MEX3D: variants seen among roughly 807,000 people sequenced by gnomAD.
MEX3D encodes the protein mex-3 RNA binding family member D.
A neutral mutation model predicts 6.3 loss-of-function variants in MEX3D; 4 were observed. The ratio of observed to expected loss-of-function variants is 0.64; its 90% CI spans 0.31 to 1.46. MEX3D has a LOEUF of 1.46. Among genes scored for constraint, MEX3D ranks in the 40% most tolerant of loss-of-function variants. The pLI is 0.07. For synonymous variants in MEX3D, 626 were observed against 494.1 expected, an observed-to-expected ratio of 1.27 and a Z score of -3.54; for missense variants, 1,038 against 994.4, an observed-to-expected ratio of 1.04 and a Z score of -0.59.
Position 1,568,118 on chromosome 19 carries a change from C to A in MEX3D, c.-60G>T. The A allele has an allele frequency of 1.0e-6, 1 of 978,192 alleles. No individual in the cohort carries two copies. The highest frequency in any genetic ancestry group is 1.2e-6 in the Non-Finnish European group (1 of 827,216). 60.6% of individuals were successfully genotyped at this position (978,192 alleles called of 1,614,324 possible). On this transcript the variant is annotated 5_prime_UTR_variant, in exon 1 of 2. Transcript: ENST00000402693. ...GCCCGCGCCGCCGCCGCCGCCCGCG[C>A]CGCCCTCCGCCTCTGCGAGCTGGGC...
chr19:1,567,628 G>A lies in MEX3D; in HGVS notation c.431C>T (p.Pro144Leu). 7.8e-7 allele frequency: 1 copy of A among 1,288,746 alleles called. No individual in the cohort carries two copies. Among genetic ancestry groups the A allele is most frequent in the South Asian group, 2.5e-5 (1 of 40,162 alleles). 79.8% of individuals were successfully genotyped at this position (1,288,746 alleles called of 1,614,324 possible). A position where few individuals can be genotyped will look rare whatever the true frequency, so the allele number is the denominator to read the frequency against. Residue 144 changes from proline to leucine, a missense_variant, in exon 1 of 2, where the codon CCC becomes CTC. Coordinates refer to ENST00000402693, the MANE Select transcript of MEX3D (RefSeq NM_203304.4). The surrounding 1 kb of genome is among the most constrained non-coding windows in gnomAD (Gnocchi z 6.5). ...PPPPPPRPSP[P>L]DVFAGFAPHP... Reference sequence around the variant, plus strand: ...GGGCGCGAAGCCCGCGAACACGTCGGGGGGCGACGGCCGGGGCGGCGGCGG... The same window carrying A: ...GGGCGCGAAGCCCGCGAACACGTCGAGGGGCGACGGCCGGGGCGGCGGCGG...
Position 1,556,227 on chromosome 19 carries a change from C to G in MEX3D, c.1292G>C (p.Gly431Ala). ...GGGACCCTCCGCGCCGAAGGCGAAG[C>G]CCCCGTTGCCGGAGCCGCTGTAGGG... is the stretch of plus-strand genomic sequence containing the variant. Reference protein sequence around the residue: ...ASPYSGSGNGGFAFGAEGPGA... With the variant: ...ASPYSGSGNGAFAFGAEGPGA... Residue 431 changes from glycine (G) to alanine (A), a missense_variant, in exon 2 of 2, where the codon GGC becomes GCC. Physicochemically the swap from Gly to Ala is moderately conservative, Grantham distance 60. Coordinates refer to ENST00000402693, the MANE Select transcript of MEX3D (RefSeq NM_203304.4). The surrounding 1 kb of genome is among the most constrained non-coding windows in gnomAD (Gnocchi z 7.5). 1.4e-6 allele frequency: 2 copies of G among 1,405,438 alleles called. No individual in the cohort carries two copies. The highest frequency in any genetic ancestry group is 1.8e-6 in the Non-Finnish European group (2 of 1,081,164). 87.1% of individuals were successfully genotyped at this position (1,405,438 alleles called of 1,614,324 possible). A position where few individuals can be genotyped will look rare whatever the true frequency, so the allele number is the denominator to read the frequency against.
In MEX3D at chr19:1,567,555, G is replaced by C; in HGVS notation, c.504C>G (p.Ser168Arg). ...GPPTLLADQM[S>R]VIGSRKKSVN... ...CGCTTTTCTTGCGGCTGCCGATCACGCTCATCTGGTCGGCCAGCAGCGTCG... is the reference window on the plus strand; with the variant it reads ...CGCTTTTCTTGCGGCTGCCGATCACCCTCATCTGGTCGGCCAGCAGCGTCG... Residue 168 changes from serine to arginine, a missense_variant, in exon 1 of 2, where the codon AGC (serine) becomes AGG (arginine). Around this residue, in one of 5 missense-constraint regions of MEX3D, gnomAD observed 75 missense variants for 125.1 expected, o/e 0.60. Transcript: ENST00000402693. This position sits in a 1 kb window ranked among gnomAD's most constrained non-coding sequence, Gnocchi z 6.5. 1 of 1,545,052 alleles carries C rather than the reference G, an allele frequency of 6.5e-7. No homozygotes were observed. Among genetic ancestry groups the C allele is most frequent in the Non-Finnish European group, 8.7e-7 (1 of 1,148,806 alleles).
chr19:1,555,893 G>A lies in MEX3D; in HGVS notation c.1626C>T (p.Ser542=), dbSNP rs543107043. The A allele has an allele frequency of 2.1e-3, 2,662 of 1,254,980 alleles. 54 individuals carry two copies. The African/African-American group carries it at 0.038, about 18-fold the overall frequency. The allele number at this position is 1,254,980 out of a possible 1,614,324, so 77.7% of individuals were successfully genotyped here. Residue 542 remains serine (S), a synonymous_variant, in exon 2 of 2, where the codon TCC becomes TCT. Coordinates refer to ENST00000402693, the MANE Select transcript of MEX3D (RefSeq NM_203304.4). The part of the protein sequence containing the change: ...RGAPDPVGAL[S]WRPPQGPVSF... ...ATACGGGGCCCTGCGGGGGTCGCCA[G>A]GACAGCGCGCCCACCGGGTCCGGGG...
At chr19:1,558,476 C>T (rs537919831) in intron 1 of MEX3D, among the ~76,000 whole-genome samples, 11 of 152,002 alleles carry the variant, frequency 7.2e-5, no homozygotes, top group African/African-American at 2.7e-4. Flanking sequence ...CTGGCCATAG[C>T]CCCCGGAAAC....
In MEX3D at chr19:1,555,721, A is replaced by C; in HGVS notation, c.1798T>G (p.Cys600Gly). 1 of 1,534,084 alleles carries C rather than the reference A, an allele frequency of 6.5e-7. No homozygotes were observed. Among genetic ancestry groups the C allele is most frequent in the Non-Finnish European group, 8.7e-7 (1 of 1,146,952 alleles). The change falls in exon 2 of 2, where the codon TGC becomes GGC. Residue 600 changes from cysteine (C) to glycine (G), a missense_variant. By Grantham distance (159) the Cys-to-Gly change is radical. Coordinates refer to ENST00000402693, the MANE Select transcript of MEX3D (RefSeq NM_203304.4). ...ACCTCGCCCTCGGCGCACACCACGC[A>C]CTCTCGCGCCAGGGCCGGGGCCGAG... ...ASSAPALARE[C>G]VVCAEGEVMA...
Position 1,555,894 on chromosome 19 carries a change from G to C in MEX3D, c.1625C>G (p.Ser542Cys). Residue 542 changes from serine (S) to cysteine (C), a missense_variant, in exon 2 of 2, where the codon TCC becomes TGC. Around this residue, in one of 5 missense-constraint regions of MEX3D, gnomAD observed 581 missense variants for 516.2 expected, o/e 1.13. Coordinates refer to ENST00000402693, the MANE Select transcript of MEX3D (RefSeq NM_203304.4). ...RGAPDPVGAL[S>C]WRPPQGPVSF... ...TACGGGGCCCTGCGGGGGTCGCCAG[G>C]ACAGCGCGCCCACCGGGTCCGGGGC... 5 of 1,251,644 alleles carry C rather than the reference G, an allele frequency of 4.0e-6. No individual in the cohort carries two copies. The highest frequency in any genetic ancestry group is 5.0e-6 in the Non-Finnish European group (5 of 998,154). 77.5% of individuals were successfully genotyped at this position (1,251,644 alleles called of 1,614,324 possible).
Position 1,555,527 on chromosome 19 carries a change from C to T in MEX3D, c.*36G>A. 6.5e-7 allele frequency: 1 copy of T among 1,535,208 alleles called. No individual in the cohort carries two copies. Among genetic ancestry groups the T allele is most frequent in the Non-Finnish European group, 8.8e-7 (1 of 1,141,108 alleles). ...CCGTCTCCCGCGCCCACCCCTGGCC[C>T]CCGCAGATGGCCCCGGCCACGTGGT... is the stretch of plus-strand genomic sequence containing the variant. On this transcript the variant is annotated 3_prime_UTR_variant, in exon 2 of 2. Coordinates refer to ENST00000402693, the MANE Select transcript of MEX3D (RefSeq NM_203304.4).
chr19:1,558,066 AAAG>A (rs1459765001), intron 1 of MEX3D, among the ~76,000 whole-genome samples: 3 of 149,654 alleles, frequency 2.0e-5, no homozygotes, highest in South Asian at 2.1e-4. Context: ...AAAAAAAAAA[AAAG>A]AGCCACAGTG....
chr19:1,556,902 C>A lies in MEX3D; in HGVS notation c.617G>T (p.Arg206Leu). 1 of 1,608,648 alleles carries A rather than the reference C, an allele frequency of 6.2e-7. No individual in the cohort carries two copies. Among genetic ancestry groups the A allele is most frequent in the Non-Finnish European group, 8.5e-7 (1 of 1,178,568 alleles). The change falls in exon 2 of 2, where the codon CGG becomes CTG. Residue 206 changes from arginine to leucine, a missense_variant. Around this residue, in one of 5 missense-constraint regions of MEX3D, gnomAD observed 75 missense variants for 125.1 expected, o/e 0.60. Coordinates refer to ENST00000402693, the MANE Select transcript of MEX3D (RefSeq NM_203304.4). The surrounding 1 kb of genome is among the most constrained non-coding windows in gnomAD (Gnocchi z 7.5). ...CTTGATGTAGGTGTTTGTCTTGGCCCGCAGGGCCTTGATCTTGCAGCCTGT... is the reference window on the plus strand; with the variant it reads ...CTTGATGTAGGTGTTTGTCTTGGCCAGCAGGGCCTTGATCTTGCAGCCTGT... ...GRQGCKIKALRAKTNTYIKTP... is the reference protein window; with the variant it reads ...GRQGCKIKALLAKTNTYIKTP...
Position 1,556,205 on chromosome 19 carries a change from A to T in MEX3D, c.1314T>A (p.Gly438=), listed in dbSNP as rs779591385. 1.2e-5 allele frequency: 18 copies of T among 1,441,418 alleles called. No individual in the cohort carries two copies. Among genetic ancestry groups the T allele is most frequent in the African/African-American group, 1.5e-5 (1 of 66,312 alleles). 89.3% of individuals were successfully genotyped at this position (1,441,418 alleles called of 1,614,324 possible). Residue 438 remains glycine (G), a synonymous_variant, in exon 2 of 2, where the codon GGT becomes GGA. Coordinates refer to ENST00000402693, the MANE Select transcript of MEX3D (RefSeq NM_203304.4). This position sits in a 1 kb window ranked among gnomAD's most constrained non-coding sequence, Gnocchi z 7.5. ...CGGCCGTCCCCACCGGGGCACCGGG[A>T]CCCTCCGCGCCGAAGGCGAAGCCCC... ...GNGGFAFGAE[G]PGAPVGTAAP...
rs745626040 is a variant in MEX3D at position 1,555,350 on chromosome 19, G to A, written c.*213C>T. 1 of 1,602,072 alleles carries A rather than the reference G, an allele frequency of 6.2e-7. No homozygotes were observed. The highest frequency in any genetic ancestry group is 1.1e-5 in the South Asian group (1 of 90,152). On this transcript the variant is annotated 3_prime_UTR_variant, in exon 2 of 2. Coordinates refer to ENST00000402693, the MANE Select transcript of MEX3D (RefSeq NM_203304.4). Reference sequence around the variant, plus strand: ...GACCACTCAATACTGTCGTTGAAGGGCTGAGGCGCCGCCGGGCTGCGGGGT... The same window carrying A: ...GACCACTCAATACTGTCGTTGAAGGACTGAGGCGCCGCCGGGCTGCGGGGT...
At chr19:1,560,098 G>A (rs560886949) in intron 1 of MEX3D, among the ~76,000 whole-genome samples, 3 of 152,294 alleles carry the variant, frequency 2.0e-5, no homozygotes, top group East Asian at 3.9e-4. Flanking sequence ...GGATTCCCTC[G>A]GCACTTGGGG....
chr19:1,561,899 A>G (rs1914726968), intron 1 of MEX3D, among the ~76,000 whole-genome samples: 1 of 151,940 alleles, frequency 6.6e-6, no homozygotes, highest in African/African-American at 2.4e-5. Flanking sequence ...CTCCCATCTC[A>G]GCCTCCCAAA....
chr19:1,559,037 G>A (rs1457506541), intron 1 of MEX3D, among the ~76,000 whole-genome samples: 2 of 151,678 alleles, frequency 1.3e-5, no homozygotes, highest in Non-Finnish European at 2.9e-5. Flanking sequence ...ACCCAGGCTG[G>A]AGTGCAGTGG....
chr19:1,556,448 G>T lies in MEX3D; in HGVS notation c.1071C>A (p.Asn357Lys). Residue 357 changes from asparagine to lysine, a missense_variant, in exon 2 of 2, where the codon AAC becomes AAA. Around this residue, in one of 5 missense-constraint regions of MEX3D, gnomAD observed 581 missense variants for 516.2 expected, o/e 1.13. Coordinates refer to ENST00000402693, the MANE Select transcript of MEX3D (RefSeq NM_203304.4). This position sits in a 1 kb window ranked among gnomAD's most constrained non-coding sequence, Gnocchi z 7.5. ...DAGPDSDFHA[N>K]GTDVCLDLLG... ...GCAGGTCCAGGCAGACGTCGGTGCC[G>T]TTGGCGTGGAAGTCGCTGTCGGGGC... 1.3e-6 allele frequency: 2 copies of T among 1,597,986 alleles called. No homozygotes were observed. Among genetic ancestry groups the T allele is most frequent in the Non-Finnish European group, 1.7e-6 (2 of 1,177,528 alleles).
rs1254737629 is a variant in MEX3D, at chr19:1,567,695, CG to C, written c.363del (p.Ser123ArgfsTer45). 20 of 1,092,584 alleles carry C rather than the reference CG, an allele frequency of 1.8e-5. No homozygotes were observed. Among genetic ancestry groups the C allele is most frequent in the Non-Finnish European group, 2.0e-5 (18 of 892,660 alleles). The allele number at this position is 1,092,584 out of a possible 1,614,324, so 67.7% of individuals were successfully genotyped here. A position where few individuals can be genotyped will look rare whatever the true frequency, so the allele number is the denominator to read the frequency against. On this transcript the variant is annotated frameshift_variant, in exon 1 of 2. Coordinates refer to ENST00000402693, the MANE Select transcript of MEX3D (RefSeq NM_203304.4). LOFTEE classifies it high-confidence loss of function. The surrounding 1 kb of genome is among the most constrained non-coding windows in gnomAD (Gnocchi z 6.5). ...TTGGGGTCCAGCAGCGGCAGCGACC[CG>C]GGGGCCACGGCGGGGGCCAGGGTCG... is the stretch of plus-strand genomic sequence containing the variant. ...APPTLAPAVA[P>X]GSLPLLDPNA...
rs926698536 is a variant in MEX3D at position 1,566,676 on chromosome 19, A to ACCCG, written c.595+784_595+787dup. ...TGAGCTGGGCCAGGCACTGCCCACC[A>ACCCG]CCCGCCCGCCCGCCCCGCAGCTCGG... On this transcript the variant is annotated intron_variant, in intron 1 of 1. Coordinates refer to ENST00000402693, the MANE Select transcript of MEX3D (RefSeq NM_203304.4). Among the ~76,000 whole-genome samples, 23 of 151,038 alleles carry ACCCG rather than the reference A, an allele frequency of 1.5e-4. No homozygotes were observed. The East Asian group carries it at 2.9e-3, about 19-fold the overall frequency.
intron 1 of MEX3D, among the ~76,000 whole-genome samples, chr19:1,565,913 A>C (rs556965756): frequency 2.6e-5 from 4 of 152,328 alleles, no homozygotes; most frequent in African/African-American, 9.6e-5. Context: ...AGCCTCGCTC[A>C]AAGGCCCTTG....
Sources: gnomAD v4.1 joint callset for allele counts (sites outside exome capture counted in the v4.1 genomes callset) on GRCh38, gnomAD v4.1.1 for gene constraint, gnomAD v4.1.1 regional missense constraint, Gnocchi (gnomAD v3.1) non-coding constraint, MANE v1.5 for transcripts, NCBI Gene and HGNC (gene_info 2026-07-23, HGNC 2026-07-21) for gene names.